The following SERINC2 variants were observed in gnomAD, a reference collection of about 807,000 sequenced individuals.
The protein encoded by SERINC2 is serine incorporator 2, also known as tumor differentially expressed protein 2.
Under a neutral mutation model 54.2 loss-of-function variants are expected in SERINC2, and 56 were observed. The ratio of observed to expected loss-of-function variants is 1.03; its 90% CI spans 0.83 to 1.29. The LOEUF is 1.29. Among genes scored for constraint, SERINC2 ranks in the 50% most tolerant of loss-of-function variants. The pLI is 0.00. For missense variants in SERINC2, 614 were observed against 607.4 expected (o/e 1.01, Z -0.12); for synonymous variants, 272 against 253.1 (o/e 1.07, Z -0.71).
upstream of SERINC2, among the ~76,000 whole-genome samples, chr1:31,411,192 G>A (rs545645610): frequency 6.6e-6 from 1 of 152,252 alleles, no homozygotes; most frequent in South Asian, 2.1e-4. Flanking sequence ...GGGAAGGACT[G>A]AAATATTGCT....
At chr1:31,421,104 G>A (rs1467884195) in intron 1 of SERINC2, among the ~76,000 whole-genome samples, 1 of 152,288 alleles carries the variant, frequency 6.6e-6, no homozygotes, top group East Asian at 1.9e-4. Flanking sequence ...CCTGAGCTCC[G>A]CCTCCTGTCA....
rs139954705 is a variant in SERINC2 at position 31,430,884 on chromosome 1, C to T, written c.1013+1346C>T. ...CTTGGCTCTGCTCCCCTGATCTCCC[C>T]GATCCATCCATCCCAGTTCCAACAG... On this transcript the variant is annotated intron_variant, in intron 8 of 9. Transcript: ENST00000373709. Among the ~76,000 whole-genome samples the T allele has an allele frequency of 1.5e-3, 222 of 152,288 alleles. 1 individual carries two copies. The highest frequency in any genetic ancestry group is 5.1e-3 in the African/African-American group (210 of 41,572).
chr1:31,419,726 G>A (rs1640862007), intron 1 of SERINC2, among the ~76,000 whole-genome samples: 1 of 152,242 alleles, frequency 6.6e-6, no homozygotes, highest in Admixed American at 6.5e-5. Flanking sequence ...CTACTTGGGA[G>A]GCTGAGGTAG....
upstream of SERINC2, chr1:31,409,825 C>T: frequency 6.4e-7 from 1 of 1,555,712 alleles, no homozygotes; most frequent in South Asian, 1.2e-5. Context: ...AGCCGGCACA[C>T]ATCTGAGTCC....
intron 2 of SERINC2, 23 bp downstream of exon 2, chr1:31,423,877 G>A (rs1553133109): frequency 1.9e-6 from 3 of 1,608,500 alleles, no homozygotes; most frequent in Admixed American, 3.3e-5. Flanking sequence ...GGGGAGGCAG[G>A]GCGGCCTCCA....
At chr1:31,425,240 G>T in intron 3 of SERINC2, 90 bp from the exon 4 acceptor site, 1 of 952,664 alleles carries the variant, frequency 1.0e-6, no homozygotes, top group East Asian at 2.4e-5. Flanking sequence ...TGCTGTTTGT[G>T]GGTGGGGGCT....
Position 31,433,190 on chromosome 1 carries a change from G to A in SERINC2, c.1232+5G>A, listed in dbSNP as rs139765511. 4.7e-5 allele frequency: 75 copies of A among 1,611,970 alleles called. No homozygotes were observed. The highest frequency in any genetic ancestry group is 1.6e-4 in the East Asian group (7 of 44,882). On this transcript the variant is annotated splice_donor_5th_base_variant and intron_variant, in intron 9 of 9. Transcript: ENST00000373709. ...GACGCTCACCAACTGGTACAAGTGC[G>A]TAGCTGGTGGGGCATGGACAGAGCC...
At chr1:31,432,079 G>C (rs201204216) in intron 8 of SERINC2, among the ~76,000 whole-genome samples, 2 of 104,934 alleles carry the variant, frequency 1.9e-5, no homozygotes, top group Non-Finnish European at 1.9e-5. Context: ...GGTGGACAGG[G>C]TGGTTAGGGT....
chr1:31,432,065 A>ATAGGGTGGT (rs1641272878), intron 8 of SERINC2, among the ~76,000 whole-genome samples: 1 of 126,006 alleles, frequency 7.9e-6, no homozygotes. Flanking sequence ...GACAGGGTGG[A>ATAGGGTGGT]CAGGGTGGAC....
chr1:31,410,461 G>A (rs568632775), upstream of SERINC2: 19 of 1,549,974 alleles, frequency 1.2e-5, no homozygotes, highest in African/African-American at 9.6e-5. Context: ...CATGCTGGGC[G>A]TGTGAGAGCC....
At position 31,426,645 on chromosome 1, in the gene SERINC2, C is replaced by T. The variant is rs782430790; in HGVS notation, c.611-9C>T. ...CACTGCCTACCCTCTCACTACCCCT[C>T]TGGCCCAGGCCTCTTCTTCTTCACT... On this transcript the variant is annotated splice_polypyrimidine_tract_variant and intron_variant, in intron 5 of 9. Transcript: ENST00000373709. The T allele has an allele frequency of 1.3e-6, 2 of 1,599,778 alleles. No homozygotes were observed. Among genetic ancestry groups the T allele is most frequent in the Admixed American group, 3.4e-5 (2 of 59,562 alleles).
At position 31,433,102 on chromosome 1, in the gene SERINC2, C is replaced by T. The variant is rs372190787; in HGVS notation, c.1149C>T (p.Gly383=). 53 of 1,613,566 alleles carry T rather than the reference C, an allele frequency of 3.3e-5. No homozygotes were observed. The Middle Eastern group carries it at 4.9e-4, about 15-fold the overall frequency. ...GGGCCTTTGACAACGAGCAGGACGG[C>T]GTCACCTACAGCTACTCCTTCTTCC... The part of the protein sequence containing the change: ...EGRAFDNEQD[G]VTYSYSFFHF... The change falls in exon 9 of 10, where the codon GGC becomes GGT. Residue 383 remains glycine, a synonymous_variant. Transcript: ENST00000373709.
chr1:31,411,152 G>A (rs1428707854), upstream of SERINC2, among the ~76,000 whole-genome samples: 1 of 152,152 alleles, frequency 6.6e-6, no homozygotes, highest in East Asian at 1.9e-4. Flanking sequence ...GTTCTTGGGT[G>A]GCTCACAGTC....
chr1:31,428,072 G>A (rs1044664448), intron 6 of SERINC2, among the ~76,000 whole-genome samples: 32 of 151,576 alleles, frequency 2.1e-4, no homozygotes, highest in Middle Eastern at 3.4e-3. Context: ...ATCTTGCTCT[G>A]TCACTTAGGC....
At chr1:31,432,026 TGGA>T (rs1641262627) in intron 8 of SERINC2, among the ~76,000 whole-genome samples, 2 of 127,356 alleles carry the variant, frequency 1.6e-5, no homozygotes, top group African/African-American at 3.3e-5. Flanking sequence ...GTGGACAGGG[TGGA>T]CAGGGTGGAC....
At chr1:31,414,767 G>T in intron 1 of SERINC2, 2 of 985,464 alleles carry the variant, frequency 2.0e-6, no homozygotes, top group East Asian at 1.1e-4. Context: ...GATTTCCATC[G>T]GTTGCACCTG....
At chr1:31,431,997 G>A (rs1641256062) in intron 8 of SERINC2, among the ~76,000 whole-genome samples, 3 of 146,146 alleles carry the variant, frequency 2.1e-5, no homozygotes, top group Admixed American at 2.0e-4. Flanking sequence ...GGGTGGATAG[G>A]GTGGATAGGG....
intron 3 of SERINC2, among the ~76,000 whole-genome samples, 175 bp downstream of exon 3, chr1:31,425,048 AG>A (rs1315627756): frequency 3.9e-5 from 6 of 152,216 alleles, no homozygotes; most frequent in Non-Finnish European, 5.9e-5. Flanking sequence ...AGGCTCAGAA[AG>A]GGTGGCAGCA....
At chr1:31,414,344 C>A (rs1311954331) in intron 1 of SERINC2, 1 of 1,279,616 alleles carries the variant, frequency 7.8e-7, no homozygotes, top group Non-Finnish European at 9.8e-7. Context: ...TGGCCCCACA[C>A]AAAGAGGCCC....
Sources: allele counts gnomAD v4.1 joint callset (sites outside exome capture counted in the v4.1 genomes callset), GRCh38; gene constraint gnomAD v4.1.1; transcripts MANE v1.5; gene names NCBI Gene and HGNC (gene_info 2026-07-23, HGNC 2026-07-21).